TMEM132D: variants seen among roughly 807,000 people sequenced by gnomAD.
TMEM132D encodes mature OL transmembrane protein.
A neutral mutation model predicts 62.3 loss-of-function variants in TMEM132D; 21 were observed. The ratio of observed to expected loss-of-function variants is 0.34; its 90% CI spans 0.24 to 0.49. The LOEUF (loss-of-function observed/expected upper bound fraction) is 0.49. TMEM132D is among the 20% of genes least tolerant of loss of function. The probability of loss-of-function intolerance (pLI) is 0.99; values close to 1 mark genes in which losing one functional copy is unlikely to be tolerated. For synonymous variants in TMEM132D, 621 were observed against 575.6 expected, an observed-to-expected ratio of 1.08 and a Z score of -1.13; for missense variants, 1,346 against 1,402.8, an observed-to-expected ratio of 0.96 and a Z score of 0.65.
At chr12:129,141,492 G>C (rs61944815) in intron 5 of TMEM132D, among the ~76,000 whole-genome samples, 1 of 152,168 alleles carries the variant, frequency 6.6e-6, no homozygotes, top group African/African-American at 2.4e-5. Flanking sequence ...ACATGATGAT[G>C]AGCAGTGCTT....
intron 5 of TMEM132D, among the ~76,000 whole-genome samples, chr12:129,139,886 T>A (rs1173874883): frequency 1.4e-5 from 2 of 146,202 alleles, no homozygotes; most frequent in African/African-American, 5.0e-5. Context: ...AATTTTTGTA[T>A]TTTTTTTTTT....
intron 2 of TMEM132D, among the ~76,000 whole-genome samples, chr12:129,665,978 T>C (rs1284891802): frequency 2.6e-5 from 4 of 152,208 alleles, no homozygotes; most frequent in Admixed American, 6.5e-5. Flanking sequence ...GTGAAATAAA[T>C]TGTATTTTAA....
intron 1 of TMEM132D, among the ~76,000 whole-genome samples, chr12:129,833,466 A>G (rs996981802): frequency 2.6e-5 from 4 of 151,988 alleles, no homozygotes; most frequent in African/African-American, 9.7e-5. Flanking sequence ...AACAAAAACA[A>G]AAACAAAAAA....
chr12:129,540,637 C>T (rs559462599), intron 2 of TMEM132D, among the ~76,000 whole-genome samples: 1 of 152,116 alleles, frequency 6.6e-6, no homozygotes, highest in South Asian at 2.1e-4. Flanking sequence ...AGGTGTGTGC[C>T]ACTACCCCCA....
At chr12:129,777,372 A>G (rs557373552) in intron 1 of TMEM132D, among the ~76,000 whole-genome samples, 1 of 152,324 alleles carries the variant, frequency 6.6e-6, no homozygotes, top group East Asian at 1.9e-4. Context: ...TCCAAACTTT[A>G]AAACAGACTC....
intron 2 of TMEM132D, among the ~76,000 whole-genome samples, chr12:129,689,615 A>G (rs768988898): frequency 6.6e-5 from 10 of 152,194 alleles, no homozygotes; most frequent in Admixed American, 1.3e-4. Flanking sequence ...CCTTTGATTT[A>G]GGGCATTGGA....
intron 6 of TMEM132D, among the ~76,000 whole-genome samples, chr12:129,082,913 A>G (rs1874501259): frequency 6.6e-6 from 1 of 151,636 alleles, no homozygotes; most frequent in Admixed American, 6.6e-5. Context: ...AATTTTATGT[A>G]GAGATGTGGT....
intron 3 of TMEM132D, among the ~76,000 whole-genome samples, chr12:129,405,372 T>G (rs1228673738): frequency 1.3e-5 from 2 of 152,108 alleles, no homozygotes; most frequent in Non-Finnish European, 2.9e-5. Flanking sequence ...CCAAAGGCCC[T>G]CATCTCCAAA....
At chr12:129,477,675 G>T (rs1337990625) in intron 3 of TMEM132D, among the ~76,000 whole-genome samples, 1 of 152,086 alleles carries the variant, frequency 6.6e-6, no homozygotes, top group Non-Finnish European at 1.5e-5. Flanking sequence ...AAAGAAATTA[G>T]CTGGGCGTGG....
chr12:129,811,139 A>T (rs945103594), intron 1 of TMEM132D, among the ~76,000 whole-genome samples: 9 of 151,890 alleles, frequency 5.9e-5, no homozygotes, highest in African/African-American at 1.9e-4. Context: ...TCTTTTTAAG[A>T]CAATGTTTAG....
intron 2 of TMEM132D, among the ~76,000 whole-genome samples, chr12:129,662,536 C>T (rs1409837224): frequency 6.6e-6 from 1 of 152,142 alleles, no homozygotes; most frequent in Non-Finnish European, 1.5e-5. Context: ...GGCTCACGCC[C>T]ATTATCCCAG....
chr12:129,834,659 C>T (rs567115848), intron 1 of TMEM132D, among the ~76,000 whole-genome samples: 26 of 152,266 alleles, frequency 1.7e-4, no homozygotes, highest in African/African-American at 6.0e-4. Flanking sequence ...AGGATGAGCA[C>T]GATTCCTGTG....
chr12:129,159,906 G>A (rs1290130810), intron 5 of TMEM132D, among the ~76,000 whole-genome samples: 1 of 152,134 alleles, frequency 6.6e-6, no homozygotes, highest in Non-Finnish European at 1.5e-5. Context: ...GATACAAGTG[G>A]GCAGCCAGGG....
intron 3 of TMEM132D, among the ~76,000 whole-genome samples, chr12:129,492,160 T>G (rs1323752548): frequency 6.6e-6 from 1 of 152,222 alleles, no homozygotes; most frequent in Non-Finnish European, 1.5e-5. Context: ...TTTTTCTTTT[T>G]TTCTTAAGTT....
At position 129,287,899 on chromosome 12, in the gene TMEM132D, G is replaced by C. The variant is rs545579313; in HGVS notation, c.1299+49735C>G. Among the ~76,000 whole-genome samples, 5 of 152,246 alleles carry C rather than the reference G, an allele frequency of 3.3e-5. No homozygotes were observed. In the South Asian group the frequency reaches 1.0e-3, roughly 32 times the overall value. ...CTGGGCTCTTTGTTCTGATGCATTGGTCTATGTATCTGTCTTCATGCCAGA... is the reference window on the plus strand; with the variant it reads ...CTGGGCTCTTTGTTCTGATGCATTGCTCTATGTATCTGTCTTCATGCCAGA... On this transcript the variant is annotated intron_variant, in intron 4 of 8. Coordinates refer to ENST00000422113, the MANE Select transcript of TMEM132D (RefSeq NM_133448.3).
rs548689430 is a variant in TMEM132D at position 129,529,775 on chromosome 12, G to A, written c.1115+1284C>T. 7.3e-3 allele frequency among the ~76,000 whole-genome samples: 1,106 copies of A among 151,964 alleles called. 8 individuals are homozygous for A. Among genetic ancestry groups the A allele is most frequent in the South Asian group, 9.8e-3 (47 of 4,810 alleles). On this transcript the variant is annotated intron_variant, in intron 3 of 8. Coordinates refer to ENST00000422113, the MANE Select transcript of TMEM132D (RefSeq NM_133448.3). Reference sequence around the variant, plus strand: ...CATTCCTCCATCCGTCTACCCATCCGTCCACCCCCGTGTCCATCTCTCCCA... The same window carrying A: ...CATTCCTCCATCCGTCTACCCATCCATCCACCCCCGTGTCCATCTCTCCCA...
chr12:129,571,841 G>T (rs1004790576), intron 2 of TMEM132D, among the ~76,000 whole-genome samples: 11 of 151,014 alleles, frequency 7.3e-5, no homozygotes, highest in Non-Finnish European at 1.3e-4. Context: ...AAAGACCATT[G>T]TGAATAAGGA....
chr12:129,209,805 C>T (rs1363610633), intron 4 of TMEM132D, 142 bp from the exon 5 acceptor site: 7 of 1,159,634 alleles, frequency 6.0e-6, no homozygotes, highest in African/African-American at 1.5e-5. Context: ...CAGTCCGCAC[C>T]AGCTGGCTGA....
intron 1 of TMEM132D, among the ~76,000 whole-genome samples, chr12:129,794,077 T>A (rs575695407): frequency 0.033 from 1,017 of 31,236 alleles, 17 homozygotes; most frequent in African/African-American, 0.052. Context: ...AGTGTATGGG[T>A]TTTTTTTTTT....
Sources: gnomAD v4.1 joint callset for allele counts (sites outside exome capture counted in the v4.1 genomes callset) on GRCh38, gnomAD v4.1.1 for gene constraint, MANE v1.5 for transcripts, NCBI Gene and HGNC (gene_info 2026-07-23, HGNC 2026-07-21) for gene names.